The following SPAG17 variants were observed in gnomAD, a reference collection of about 807,000 sequenced individuals.
SPAG17 encodes the protein sperm associated antigen 17.
In SPAG17, 169 loss-of-function variants were observed where a neutral mutation model predicts 273.6. The observed-to-expected ratio is 0.62, with a 90% CI of 0.55 to 0.70. The LOEUF (loss-of-function observed/expected upper bound fraction) is 0.70. SPAG17 is among the 30% of genes least tolerant of loss of function. SPAG17 has a pLI of 0.00. For missense variants in SPAG17, 2,557 were observed against 2,627.8 expected, an observed-to-expected ratio of 0.97 and a Z score of 0.59; for synonymous variants, 825 against 873.2, an observed-to-expected ratio of 0.94 and a Z score of 0.97.
At chr1:117,967,234 G>T (rs981352980) in intron 46 of SPAG17, among the ~76,000 whole-genome samples, 1 of 148,322 alleles carries the variant, frequency 6.7e-6, no homozygotes, top group Non-Finnish European at 1.5e-5. Context: ...GGAGGCAGAG[G>T]TTTCAGTGAG....
At chr1:117,977,395 A>T (rs961928802) in intron 43 of SPAG17, among the ~76,000 whole-genome samples, 1 of 152,200 alleles carries the variant, frequency 6.6e-6, no homozygotes, top group African/African-American at 2.4e-5. Context: ...TAATATAGAG[A>T]ATTAAGAGTC....
chr1:118,107,133 A>G (rs911749658), intron 4 of SPAG17, among the ~76,000 whole-genome samples: 13 of 152,176 alleles, frequency 8.5e-5, no homozygotes, highest in African/African-American at 3.1e-4. Context: ...ATTAATACAG[A>G]GTTTGTCCGA....
At chr1:118,050,182 A>C (rs1327234550) in intron 20 of SPAG17, among the ~76,000 whole-genome samples, 1 of 152,182 alleles carries the variant, frequency 6.6e-6, no homozygotes, top group African/African-American at 2.4e-5. Flanking sequence ...CCCCAAGGGA[A>C]GAATCATGGG....
At chr1:118,123,873 A>G (rs1225806330) in intron 3 of SPAG17, among the ~76,000 whole-genome samples, 1 of 152,238 alleles carries the variant, frequency 6.6e-6, no homozygotes, top group African/African-American at 2.4e-5. Context: ...TAACAAATAC[A>G]TGGAAGGTAG....
At chr1:118,006,902 A>G (rs971804180) in intron 31 of SPAG17, among the ~76,000 whole-genome samples, 2 of 152,190 alleles carry the variant, frequency 1.3e-5, no homozygotes, top group Non-Finnish European at 2.9e-5. Context: ...TGCTATTTGC[A>G]TATCTTTGGA....
intron 44 of SPAG17, 113 bp downstream of exon 44, chr1:117,973,312 G>C: frequency 7.3e-7 from 1 of 1,362,654 alleles, no homozygotes; most frequent in African/African-American, 1.5e-5. Flanking sequence ...TAACTTCAAT[G>C]AATCAGAATT....
intron 1 of SPAG17, among the ~76,000 whole-genome samples, chr1:118,173,859 A>T (rs551692782): frequency 0.032 from 572 of 17,794 alleles, 3 homozygotes; most frequent in African/African-American, 0.14. Flanking sequence ...GACCCTGTCT[A>T]AAAAAAAAAA....
chr1:117,958,997 A>C lies in SPAG17; in HGVS notation c.*4802T>G, dbSNP rs1266195526. The C allele has an allele frequency of 2.2e-5, 35 of 1,613,772 alleles. No homozygotes were observed. Among genetic ancestry groups the C allele is most frequent in the Non-Finnish European group, 2.9e-5 (34 of 1,179,816 alleles). On this transcript the variant is annotated intron_variant, in intron 48 of 48. Coordinates refer to ENST00000336338, the MANE Select transcript of SPAG17 (RefSeq NM_206996.4). ...AAACAACTATTTCAAAAGTCAGCCA[A>C]GTCCGGGTAAGTGTCTTTGTATAGA...
At chr1:118,130,742 T>C (rs980894136) in intron 3 of SPAG17, among the ~76,000 whole-genome samples, 27 of 152,320 alleles carry the variant, frequency 1.8e-4, no homozygotes, top group African/African-American at 6.5e-4. Context: ...CCAACATGGT[T>C]ATTCATCTCT....
intron 18 of SPAG17, among the ~76,000 whole-genome samples, chr1:118,064,524 G>A (rs1037982963): frequency 2.1e-5 from 3 of 145,158 alleles, no homozygotes; most frequent in East Asian, 2.1e-4. Context: ...CTCATAGGTC[G>A]GAATTGAACA....
At position 118,165,627 on chromosome 1, in the gene SPAG17, T is replaced by TA. The variant is rs1271230468; in HGVS notation, c.88-14259dup. Among the ~76,000 whole-genome samples, 333 of 133,668 alleles carry TA rather than the reference T, an allele frequency of 2.5e-3. 2 individuals are homozygous for TA. The highest frequency in any genetic ancestry group is 4.7e-3 in the African/African-American group (171 of 36,298). The allele number at this position is 133,668 out of a possible 152,430, so 87.7% of individuals were successfully genotyped here. A position where few individuals can be genotyped will look rare whatever the true frequency, so the allele number is the denominator to read the frequency against. ...AGTTACAGTAACAACAAGTGTAAAT[T>TA]AAAAAAAAAAAAACTTTCTTTTTTT... On this transcript the variant is annotated intron_variant, in intron 1 of 48. Coordinates refer to ENST00000336338, the MANE Select transcript of SPAG17 (RefSeq NM_206996.4).
intron 1 of SPAG17, among the ~76,000 whole-genome samples, chr1:118,184,077 T>C (rs1661065438): frequency 1.3e-5 from 2 of 149,086 alleles, no homozygotes; most frequent in South Asian, 4.3e-4. Flanking sequence ...TTACTGTTAA[T>C]AGGAAAAAAA....
At chr1:117,978,327 T>C (rs1655359046) in intron 43 of SPAG17, among the ~76,000 whole-genome samples, 1 of 152,144 alleles carries the variant, frequency 6.6e-6, no homozygotes, top group South Asian at 2.1e-4. Context: ...CTCTCTCTCT[T>C]CTCTCCTGTC....
intron 29 of SPAG17, among the ~76,000 whole-genome samples, chr1:118,014,880 A>T (rs1268437972): frequency 2.0e-5 from 3 of 152,178 alleles, no homozygotes; most frequent in African/African-American, 7.2e-5. Context: ...CTGAACATGT[A>T]CTCTTGATCA....
At chr1:118,007,381 T>C (rs1659003969) in intron 31 of SPAG17, among the ~76,000 whole-genome samples, 1 of 152,200 alleles carries the variant, frequency 6.6e-6, no homozygotes, top group African/African-American at 2.4e-5. Flanking sequence ...TCTAGTGACA[T>C]TGTTTGCAAT....
chr1:118,091,989 G>A lies in SPAG17; in HGVS notation c.1187C>T (p.Ala396Val). 1.2e-6 allele frequency: 2 copies of A among 1,613,522 alleles called. No homozygotes were observed. Among genetic ancestry groups the A allele is most frequent in the Non-Finnish European group, 1.7e-6 (2 of 1,179,532 alleles). Residue 396 changes from alanine to valine, a missense_variant, in exon 9 of 49, where the codon GCT becomes GTT. Ala to Val is a moderately conservative substitution (Grantham distance 64, BLOSUM62 0). Coordinates refer to ENST00000336338, the MANE Select transcript of SPAG17 (RefSeq NM_206996.4). Reference sequence around the variant, plus strand: ...TTTCTTCTTTCCAGGAGCTGGTACAGCAGGTTGTGGAGCCTAGAAAAAGAA... The same window carrying A: ...TTTCTTCTTTCCAGGAGCTGGTACAACAGGTTGTGGAGCCTAGAAAAAGAA... ...AMPTSEAPQPAVPAPGKKKAQ... is the reference protein window; with the variant it reads ...AMPTSEAPQPVVPAPGKKKAQ...
Position 118,093,284 on chromosome 1 carries a change from C to A in SPAG17, c.1045G>T (p.Ala349Ser), listed in dbSNP as rs200177764. ...KLGTDIFENI[A>S]CLMYDILDWK... is the part of the protein sequence containing the mutation. ...TCCAGGATGTCATACATCAAGCAGG[C>A]AATATTTTCAAAAATATCAGTGCCC... The change falls in exon 8 of 49, where the codon GCC (alanine) becomes TCC (serine). Residue 349 changes from alanine to serine, a missense_variant. Physicochemically the swap from Ala to Ser is moderately conservative, Grantham distance 99. Transcript: ENST00000336338. The A allele has an allele frequency of 3.7e-6, 6 of 1,611,520 alleles. No individual in the cohort carries two copies. In the East Asian group the frequency reaches 1.1e-4, roughly 30 times the overall value.
At chr1:117,989,046 G>T (rs959250466) in intron 38 of SPAG17, among the ~76,000 whole-genome samples, 17 of 152,042 alleles carry the variant, frequency 1.1e-4, no homozygotes, top group Admixed American at 2.0e-4. Flanking sequence ...CCTGTTCCTT[G>T]TCCCAGAGGT....
At chr1:118,147,797 G>A (rs1291370047) in intron 3 of SPAG17, among the ~76,000 whole-genome samples, 1 of 152,156 alleles carries the variant, frequency 6.6e-6, no homozygotes, top group Non-Finnish European at 1.5e-5. Context: ...TGCTAGCCCA[G>A]ACATTTGGAG....
Sources: allele counts gnomAD v4.1 joint callset (sites outside exome capture counted in the v4.1 genomes callset), GRCh38; gene constraint gnomAD v4.1.1; transcripts MANE v1.5; gene names NCBI Gene and HGNC (gene_info 2026-07-23, HGNC 2026-07-21).